Variants in SH3PXD2A observed in about 807,000 individuals in gnomAD.
SH3PXD2A encodes SH3 and PX domains 2A.
In SH3PXD2A, 32 loss-of-function variants were observed where a neutral mutation model predicts 115.2. The observed-to-expected ratio is 0.28, with a 90% CI of 0.21 to 0.37. The LOEUF is 0.37. Among genes scored for constraint, SH3PXD2A ranks in the 10% least tolerant of loss-of-function variants. The pLI is 1.00. For missense variants in SH3PXD2A, 1,328 were observed against 1,498.7 expected (o/e 0.89, Z 1.88); for synonymous variants, 610 against 629.1 (o/e 0.97, Z 0.45).
intron 6 of SH3PXD2A, among the ~76,000 whole-genome samples, chr10:103,675,407 T>C (rs1253652049): frequency 3.3e-5 from 5 of 152,158 alleles, no homozygotes; most frequent in African/African-American, 9.7e-5. Context: ...CTAGTAGAGC[T>C]GAATTTCTGA....
chr10:103,607,428 C>A (rs1258304937), intron 13 of SH3PXD2A, among the ~76,000 whole-genome samples: 1 of 151,932 alleles, frequency 6.6e-6, no homozygotes, highest in Non-Finnish European at 1.5e-5. Context: ...GCCAGGCCAG[C>A]CGCCCTGTCC....
chr10:103,827,909 T>TGACA (rs1382663229), intron 1 of SH3PXD2A, among the ~76,000 whole-genome samples: 2 of 152,162 alleles, frequency 1.3e-5, no homozygotes, highest in Non-Finnish European at 2.9e-5. Flanking sequence ...AAAACGGGGA[T>TGACA]GACAAGAGTG....
At chr10:103,685,858 G>A (rs760044057) in intron 6 of SH3PXD2A, among the ~76,000 whole-genome samples, 5 of 152,166 alleles carry the variant, frequency 3.3e-5, no homozygotes, top group South Asian at 2.1e-4. Context: ...CTGAGTCTAC[G>A]CCCTGTCGTC....
intron 1 of SH3PXD2A, among the ~76,000 whole-genome samples, chr10:103,834,162 G>A (rs1240129280): frequency 6.6e-6 from 1 of 152,166 alleles, no homozygotes; most frequent in African/African-American, 2.4e-5. Context: ...AAGAGGAAAT[G>A]CTCTCATGGA....
rs147896769 is a variant in SH3PXD2A, at chr10:103,815,561, G to A, written c.73-14199C>T. ...ATTTGACAACATGAATGAACCTGGA[G>A]GACATTATGCTAAGTGAACTAAGCC... On this transcript the variant is annotated intron_variant, in intron 1 of 14. Coordinates refer to ENST00000369774, the MANE Select transcript of SH3PXD2A (RefSeq NM_001394015.1). Among the ~76,000 whole-genome samples, 92 of 151,608 alleles carry A rather than the reference G, an allele frequency of 6.1e-4. No homozygotes were observed. In the East Asian group the frequency reaches 0.017, roughly 28 times the overall value.
chr10:103,671,038 C>T (rs2037451727), intron 6 of SH3PXD2A, among the ~76,000 whole-genome samples: 1 of 152,272 alleles, frequency 6.6e-6, no homozygotes, highest in African/African-American at 2.4e-5. Flanking sequence ...ATGCCACTCT[C>T]CACTTCAGTT....
chr10:103,678,160 T>C, intron 6 of SH3PXD2A: 1 of 1,289,070 alleles, frequency 7.8e-7, no homozygotes, highest in South Asian at 1.2e-5. Context: ...TCATGTGTAA[T>C]GTCTGGGGGG....
chr10:103,634,324 G>A (rs139146066), intron 8 of SH3PXD2A, among the ~76,000 whole-genome samples: 11 of 152,362 alleles, frequency 7.2e-5, no homozygotes, highest in South Asian at 6.2e-4. Context: ...ACATAGCACC[G>A]AGGCCGTGTC....
At chr10:103,638,729 T>C (rs899335381) in intron 8 of SH3PXD2A, among the ~76,000 whole-genome samples, 3 of 152,228 alleles carry the variant, frequency 2.0e-5, no homozygotes, top group African/African-American at 7.2e-5. Context: ...TAGTGCCTGA[T>C]TGGAATCAGA....
chr10:103,703,633 T>C (rs1439613135), intron 5 of SH3PXD2A, among the ~76,000 whole-genome samples: 1 of 152,230 alleles, frequency 6.6e-6, no homozygotes, highest in Non-Finnish European at 1.5e-5. Context: ...GTAATGGAAA[T>C]AGTCTCTATC....
In SH3PXD2A at chr10:103,603,057, G is replaced by A. The variant is rs769310841; in HGVS notation, c.2161C>T (p.Arg721Cys). 6.0e-5 allele frequency: 97 copies of A among 1,613,648 alleles called. No individual in the cohort carries two copies. Among genetic ancestry groups the A allele is most frequent in the Non-Finnish European group, 7.4e-5 (87 of 1,180,054 alleles). The change falls in exon 15 of 15, where the codon CGC becomes TGC. Residue 721 changes from arginine to cysteine, a missense_variant. By Grantham distance (180) the Arg-to-Cys change is radical. Around this residue, in one of 5 missense-constraint regions of SH3PXD2A, gnomAD observed 574 missense variants for 565.7 expected, o/e 1.01. Coordinates refer to ENST00000369774, the MANE Select transcript of SH3PXD2A (RefSeq NM_001394015.1). ...CGGATGCCTGCGTCCGAAGCAGAGC[G>A]GGGCTTCAGGTCGCCACTGGTTTTG... ...LSKTSGDLKP[R>C]SASDAGIRGT...
At chr10:103,636,366 A>G (rs1306892474) in intron 8 of SH3PXD2A, among the ~76,000 whole-genome samples, 4 of 150,914 alleles carry the variant, frequency 2.7e-5, no homozygotes, top group East Asian at 1.9e-4. Flanking sequence ...TCGAGATCGT[A>G]CCACTGCACT....
chr10:103,625,781 T>G (rs113025781), intron 9 of SH3PXD2A, among the ~76,000 whole-genome samples: 2,385 of 152,320 alleles, frequency 0.016, 54 homozygotes, highest in African/African-American at 0.054. Flanking sequence ...TCCCAGCTAC[T>G]CAGGAGGCTG....
intron 1 of SH3PXD2A, among the ~76,000 whole-genome samples, chr10:103,836,910 C>T (rs1361354038): frequency 6.6e-6 from 1 of 152,200 alleles, no homozygotes; most frequent in Non-Finnish European, 1.5e-5. Context: ...TGCACCTGGG[C>T]ACAGGAGCCG....
At chr10:103,841,199 C>G (rs2864001) in intron 1 of SH3PXD2A, among the ~76,000 whole-genome samples, 2 of 151,996 alleles carry the variant, frequency 1.3e-5, no homozygotes, top group African/African-American at 2.4e-5. Context: ...TGATCCAGGA[C>G]GCACCATGAT....
intron 6 of SH3PXD2A, among the ~76,000 whole-genome samples, chr10:103,685,337 CAAAA>C (rs775424414): frequency 4.4e-4 from 25 of 56,382 alleles, no homozygotes; most frequent in African/African-American, 1.4e-3. Context: ...AACTCTGTCT[CAAAA>C]AAAAAAAAAA....
intron 5 of SH3PXD2A, among the ~76,000 whole-genome samples, chr10:103,704,606 G>A (rs964185750): frequency 6.6e-6 from 1 of 152,208 alleles, no homozygotes; most frequent in Admixed American, 6.5e-5. Flanking sequence ...GACTTAATGA[G>A]CCTGTTCCAC....
At chr10:103,711,049 T>TA (rs932153742) in intron 5 of SH3PXD2A, among the ~76,000 whole-genome samples, 5 of 151,840 alleles carry the variant, frequency 3.3e-5, no homozygotes, top group African/African-American at 1.2e-4. Context: ...AAAATAATAA[T>TA]AAAAAACGGT....
chr10:103,696,173 G>A (rs2134135801), intron 5 of SH3PXD2A, among the ~76,000 whole-genome samples: 1 of 152,346 alleles, frequency 6.6e-6, no homozygotes, highest in African/African-American at 2.4e-5. Flanking sequence ...CTGAATGGTG[G>A]GAACGAAGAG....
Sources: allele counts gnomAD v4.1 joint callset (sites outside exome capture counted in the v4.1 genomes callset), GRCh38; gene constraint gnomAD v4.1.1; regional missense constraint gnomAD v4.1.1; transcripts MANE v1.5; gene names NCBI Gene and HGNC (gene_info 2026-07-23, HGNC 2026-07-21).